Variants in VAT1L observed in about 807,000 individuals in gnomAD.
VAT1L encodes the protein vesicle amine transport 1 like.
Under a neutral mutation model 44.1 loss-of-function variants are expected in VAT1L, and 34 were observed. The ratio of observed to expected loss-of-function variants is 0.77; its 90% CI spans 0.59 to 1.03. VAT1L has a LOEUF of 1.03. Among genes scored for constraint, VAT1L ranks in the 50% least tolerant of loss-of-function variants. The pLI is 0.00. For synonymous variants in VAT1L, 253 were observed against 202.2 expected (o/e 1.25, Z -2.13); for missense variants, 615 against 538.8 (o/e 1.14, Z -1.40).
At chr16:77,797,860 T>C (rs2015966478) in intron 1 of VAT1L, among the ~76,000 whole-genome samples, 1 of 152,184 alleles carries the variant, frequency 6.6e-6, no homozygotes, top group South Asian at 2.1e-4. Flanking sequence ...GAGCATGTAA[T>C]CTGAAATTAG....
intron 7 of VAT1L, among the ~76,000 whole-genome samples, chr16:77,933,946 C>T (rs74704245): frequency 0.12 from 17,963 of 152,160 alleles, 1,224 homozygotes; most frequent in East Asian, 0.2. Context: ...AAGAAACCCA[C>T]TGGAGTGCTT....
At chr16:77,822,877 T>G (rs2016475085) in intron 2 of VAT1L, among the ~76,000 whole-genome samples, 1 of 152,112 alleles carries the variant, frequency 6.6e-6, no homozygotes, top group Non-Finnish European at 1.5e-5. Flanking sequence ...TTTTCTGAAT[T>G]AGGTAACCCG....
chr16:77,883,699 C>A (rs978934297), intron 6 of VAT1L, among the ~76,000 whole-genome samples: 2 of 152,176 alleles, frequency 1.3e-5, no homozygotes, highest in African/African-American at 4.8e-5. Flanking sequence ...CAGTTCAGAA[C>A]CATTGATTCA....
rs192468978 is a variant in VAT1L, at chr16:77,825,316, T to C, written c.434T>C (p.Phe145Ser). ...WAEVVCTPVE[F>S]VYKIPDDMSF... Reference sequence around the variant, plus strand: ...GAGGTGGTCTGCACACCAGTGGAGTTTGTCTACAAGATCCCGGATGACATG... The same window carrying C: ...GAGGTGGTCTGCACACCAGTGGAGTCTGTCTACAAGATCCCGGATGACATG... Residue 145 changes from phenylalanine to serine, a missense_variant, in exon 3 of 9, where the codon TTT (phenylalanine) becomes TCT (serine). Physicochemically the swap from Phe to Ser is radical, Grantham distance 155. Coordinates refer to ENST00000302536, the MANE Select transcript of VAT1L (RefSeq NM_020927.3). 2 of 1,614,194 alleles carry C rather than the reference T, an allele frequency of 1.2e-6. No homozygotes were observed. Among genetic ancestry groups the C allele is most frequent in the East Asian group, 2.2e-5 (1 of 44,864 alleles).
intron 3 of VAT1L, among the ~76,000 whole-genome samples, chr16:77,827,429 C>T (rs977749351): frequency 3.3e-5 from 5 of 152,164 alleles, no homozygotes; most frequent in African/African-American, 1.2e-4. Flanking sequence ...GTGTCAGGGG[C>T]ATGTGTCTTA....
At chr16:77,947,051 G>A (rs1446502888) in intron 7 of VAT1L, among the ~76,000 whole-genome samples, 1 of 152,190 alleles carries the variant, frequency 6.6e-6, no homozygotes, top group Non-Finnish European at 1.5e-5. Context: ...TTGCCACTTA[G>A]AGGAAAACAC....
chr16:77,964,779 C>CTTTTTTT (rs10566511), intron 7 of VAT1L, among the ~76,000 whole-genome samples: 1,673 of 91,624 alleles, frequency 0.018, 80 homozygotes, highest in East Asian at 0.043. Flanking sequence ...CTTTGTAGCA[C>CTTTTTTT]TTTTTTTTTT....
At chr16:77,814,094 A>C (rs1447062395) in intron 1 of VAT1L, among the ~76,000 whole-genome samples, 3 of 152,180 alleles carry the variant, frequency 2.0e-5, no homozygotes, top group Non-Finnish European at 4.4e-5. Context: ...GATCTGAAAA[A>C]TTGGTATGAT....
chr16:77,913,063 G>T (rs1053567470), intron 7 of VAT1L, among the ~76,000 whole-genome samples: 9 of 152,006 alleles, frequency 5.9e-5, no homozygotes, highest in Non-Finnish European at 1.0e-4. Context: ...TGCGGGGGTG[G>T]GGTCATAGGC....
intron 1 of VAT1L, among the ~76,000 whole-genome samples, chr16:77,793,695 T>C (rs2015876485): frequency 6.6e-6 from 1 of 152,162 alleles, no homozygotes; most frequent in Non-Finnish European, 1.5e-5. Context: ...ACCAAGAGGC[T>C]ACATGAAACT....
chr16:77,803,420 T>A (rs2016100511), intron 1 of VAT1L, among the ~76,000 whole-genome samples: 1 of 143,556 alleles, frequency 7.0e-6, no homozygotes, highest in Non-Finnish European at 1.5e-5. Context: ...AGACATTCTT[T>A]TTTTTTTTTT....
rs139813843 is a variant in VAT1L at position 77,965,757 on chromosome 16, G to A, written c.1078-6093G>A. On this transcript the variant is annotated intron_variant, in intron 7 of 8. Transcript: ENST00000302536. ...GCCAGGGGCTCTAGGATGTGGGGTA[G>A]GCAGGACAAAGACCTCTAGGTGAGG... Among the ~76,000 whole-genome samples the A allele has an allele frequency of 3.9e-5, 6 of 152,206 alleles. No homozygotes were observed. In the South Asian group the frequency reaches 1.2e-3, roughly 32 times the overall value.
At position 77,884,775 on chromosome 16, in the gene VAT1L, G is replaced by T. The variant is rs746517131; in HGVS notation, c.1050G>T (p.Val350=). 1 of 1,558,416 alleles carries T rather than the reference G, an allele frequency of 6.4e-7. No homozygotes were observed. The highest frequency in any genetic ancestry group is 1.2e-5 in the South Asian group (1 of 82,158). Residue 350 remains valine (V), a synonymous_variant, in exon 7 of 9, where the codon GTG becomes GTT. Coordinates refer to ENST00000302536, the MANE Select transcript of VAT1L (RefSeq NM_020927.3). This position sits in a 1 kb window ranked among gnomAD's most constrained non-coding sequence, Gnocchi z 4.5. The part of the protein sequence containing the change: ...GLYNQKKIKP[V]VDSLWALEEV... ...ACAACCAGAAGAAGATCAAGCCTGT[G>T]GTGGACTCCTTGTGGGCTCTGGAGG...
chr16:77,889,895 C>A (rs1298232482), intron 7 of VAT1L, among the ~76,000 whole-genome samples: 1 of 151,804 alleles, frequency 6.6e-6, no homozygotes, highest in Non-Finnish European at 1.5e-5. Flanking sequence ...GAGACCAGCC[C>A]GGCCAACAGG....
intron 7 of VAT1L, among the ~76,000 whole-genome samples, chr16:77,890,454 C>G (rs139791148): frequency 1.4e-3 from 220 of 152,176 alleles, no homozygotes; most frequent in Non-Finnish European, 2.2e-3. Flanking sequence ...AAGCATGACA[C>G]CATTTCATCT....
intron 3 of VAT1L, among the ~76,000 whole-genome samples, chr16:77,831,874 G>C (rs1232732950): frequency 6.6e-6 from 1 of 151,806 alleles, no homozygotes; most frequent in African/African-American, 2.4e-5. Flanking sequence ...GGAGTGCAGT[G>C]GCTTGATCTC....
intron 3 of VAT1L, among the ~76,000 whole-genome samples, chr16:77,830,166 A>G (rs2016564059): frequency 6.6e-6 from 1 of 152,148 alleles, no homozygotes; most frequent in Non-Finnish European, 1.5e-5. Context: ...TCTACTCAGA[A>G]CACTCTTTAT....
At chr16:77,837,560 TGTA>T in intron 3 of VAT1L, among the ~76,000 whole-genome samples, 1 of 152,226 alleles carries the variant, frequency 6.6e-6, no homozygotes, top group South Asian at 2.1e-4. Flanking sequence ...CGGAAATATT[TGTA>T]GAAGAAATGA....
intron 3 of VAT1L, among the ~76,000 whole-genome samples, chr16:77,835,686 A>G (rs1597058404): frequency 6.6e-6 from 1 of 152,158 alleles, no homozygotes; most frequent in East Asian, 1.9e-4. Context: ...CAGCCTGGCC[A>G]ACATGGTGAA....
Sources: gnomAD v4.1 joint callset for allele counts (sites outside exome capture counted in the v4.1 genomes callset) on GRCh38, gnomAD v4.1.1 for gene constraint, Gnocchi (gnomAD v3.1) non-coding constraint, MANE v1.5 for transcripts, NCBI Gene and HGNC (gene_info 2026-07-23, HGNC 2026-07-21) for gene names.